MAN1A1: variants seen among roughly 807,000 people sequenced by gnomAD.
The protein encoded by MAN1A1 is mannosidase alpha class 1A member 1, also known as mannosyl-oligosaccharide 1,2-alpha-mannosidase IA.
MAN1A1 carries 29 observed loss-of-function variants against 70.8 expected under a neutral mutation model. The ratio of observed to expected loss-of-function variants is 0.41; its 90% CI spans 0.31 to 0.56. The LOEUF (loss-of-function observed/expected upper bound fraction) is 0.56, where lower values mean the gene tolerates loss of function less well. Among genes scored for constraint, MAN1A1 ranks in the 20% least tolerant of loss-of-function variants. MAN1A1 has a pLI of 0.29. For synonymous variants in MAN1A1, 349 were observed against 330.1 expected (o/e 1.06, Z -0.62); for missense variants, 747 against 841.3 (o/e 0.89, Z 1.39).
intron 2 of MAN1A1, among the ~76,000 whole-genome samples, chr6:119,319,389 TA>T (rs1562240892): frequency 6.7e-6 from 1 of 149,854 alleles, no homozygotes; most frequent in Non-Finnish European, 1.5e-5. Flanking sequence ...ATAATAATAA[TA>T]ATCATCATCA....
intron 5 of MAN1A1, among the ~76,000 whole-genome samples, chr6:119,263,717 T>TTA (rs1775674807): frequency 6.6e-6 from 1 of 151,982 alleles, no homozygotes; most frequent in South Asian, 2.1e-4. Context: ...CAAAATATAA[T>TTA]ACAGGAAAAA....
rs183478502 is a variant in MAN1A1, at chr6:119,204,380, C to T, written c.1116+379G>A. Among the ~76,000 whole-genome samples the T allele has an allele frequency of 2.3e-3, 343 of 152,266 alleles. 3 individuals carry two copies. The highest frequency in any genetic ancestry group is 3.7e-3 in the Non-Finnish European group (255 of 68,016). On this transcript the variant is annotated intron_variant, in intron 7 of 12. Transcript: ENST00000368468. Reference sequence around the variant, plus strand: ...AAATATTTGGTTTGCTTTCGGAAAACGAGGGACCAATTCAGCTGCAACATC... The same window carrying T: ...AAATATTTGGTTTGCTTTCGGAAAATGAGGGACCAATTCAGCTGCAACATC...
chr6:119,330,187 C>A (rs1773271623), intron 2 of MAN1A1, among the ~76,000 whole-genome samples: 2 of 152,132 alleles, frequency 1.3e-5, no homozygotes, highest in South Asian at 4.1e-4. Flanking sequence ...GCATCTCTAG[C>A]CTAGACTTCT....
At chr6:119,284,099 G>A (rs1776292197) in intron 5 of MAN1A1, among the ~76,000 whole-genome samples, 2 of 152,100 alleles carry the variant, frequency 1.3e-5, no homozygotes, top group Non-Finnish European at 2.9e-5. Flanking sequence ...TCACTAAAAT[G>A]TAAGCTCCAC....
intron 5 of MAN1A1, among the ~76,000 whole-genome samples, chr6:119,284,682 T>C (rs1776314099): frequency 6.6e-6 from 1 of 152,186 alleles, no homozygotes; most frequent in Non-Finnish European, 1.5e-5. Context: ...ACAAATTTAA[T>C]GTGATGCTTA....
chr6:119,320,983 G>A (rs766632300), intron 2 of MAN1A1, among the ~76,000 whole-genome samples: 3 of 152,062 alleles, frequency 2.0e-5, no homozygotes, highest in Non-Finnish European at 2.9e-5. Context: ...TAAATACTAC[G>A]TTTCTAGTCA....
chr6:119,309,770 T>C (rs1389860991), intron 2 of MAN1A1, among the ~76,000 whole-genome samples: 1 of 152,164 alleles, frequency 6.6e-6, no homozygotes, highest in South Asian at 2.1e-4. Flanking sequence ...AATTTCATAA[T>C]TGCAACCCAT....
intron 7 of MAN1A1, among the ~76,000 whole-genome samples, chr6:119,202,660 G>C (rs147812726): frequency 6.6e-6 from 1 of 152,040 alleles, no homozygotes; most frequent in Admixed American, 6.6e-5. Context: ...ATTGCACTAC[G>C]ACATTATGAC....
Position 119,230,439 on chromosome 6 carries a change from G to C in MAN1A1, c.992+17821C>G, listed in dbSNP as rs183514425. ...GCTGCTCTCTGCCCCAGGGGGCTTT[G>C]CCATCCTTCAGCCTCTTGGCCTTGT... On this transcript the variant is annotated intron_variant, in intron 6 of 12. Coordinates refer to ENST00000368468, the MANE Select transcript of MAN1A1 (RefSeq NM_005907.4). Among the ~76,000 whole-genome samples the C allele has an allele frequency of 6.6e-5, 10 of 152,242 alleles. No individual in the cohort carries two copies. In the East Asian group the frequency reaches 1.7e-3, roughly 27 times the overall value.
intron 5 of MAN1A1, among the ~76,000 whole-genome samples, chr6:119,285,153 T>TTTTTTA (rs1470156126): frequency 1.3e-5 from 2 of 151,010 alleles, no homozygotes; most frequent in Admixed American, 6.6e-5. Context: ...TTTTTTTTTT[T>TTTTTTA]AAAGTAGAGA....
At chr6:119,183,154 G>C (rs985881890) in intron 11 of MAN1A1, among the ~76,000 whole-genome samples, 3 of 152,220 alleles carry the variant, frequency 2.0e-5, no homozygotes, top group Non-Finnish European at 4.4e-5. Context: ...GGACAGAAGG[G>C]AGAGAGCAGA....
chr6:119,275,866 T>C (rs560945417), intron 5 of MAN1A1, among the ~76,000 whole-genome samples: 11 of 152,352 alleles, frequency 7.2e-5, no homozygotes, highest in African/African-American at 2.6e-4. Context: ...GACACGGTCA[T>C]GTGCTTTGCT....
chr6:119,269,100 G>GC (rs59215333), intron 5 of MAN1A1: 155,989 of 155,990 alleles, frequency 1, 77,994 homozygotes, highest in Non-Finnish European at 1. Context: ...GGCAGGCCAG[G>GC]CAATCATAAG....
At chr6:119,197,847 T>C (rs939988667) in intron 8 of MAN1A1, among the ~76,000 whole-genome samples, 1 of 152,000 alleles carries the variant, frequency 6.6e-6, no homozygotes, top group Admixed American at 6.6e-5. Flanking sequence ...AATCTAAATA[T>C]AAAGGGCTCT....
chr6:119,309,150 C>A (rs1047955766), intron 2 of MAN1A1, among the ~76,000 whole-genome samples: 1 of 152,122 alleles, frequency 6.6e-6, no homozygotes, highest in African/African-American at 2.4e-5. Flanking sequence ...GGGGTTTATC[C>A]AGCAATTATA....
intron 6 of MAN1A1, among the ~76,000 whole-genome samples, chr6:119,210,244 T>C (rs560884793): frequency 6.6e-6 from 1 of 152,226 alleles, no homozygotes; most frequent in South Asian, 2.1e-4. Flanking sequence ...ATCTATCTTT[T>C]GGGTAAGATC....
At chr6:119,235,598 T>G (rs138976248) in intron 6 of MAN1A1, among the ~76,000 whole-genome samples, 597 of 152,282 alleles carry the variant, frequency 3.9e-3, no homozygotes, top group Non-Finnish European at 6.0e-3. Context: ...AAGCAGCAAG[T>G]GCTAGAAGTG....
chr6:119,224,682 C>A (rs1244045447), intron 6 of MAN1A1, among the ~76,000 whole-genome samples: 2 of 152,128 alleles, frequency 1.3e-5, no homozygotes, highest in African/African-American at 4.8e-5. Context: ...TCAGGAAGAA[C>A]AACAATGAAC....
At chr6:119,200,240 C>A (rs979667732) in intron 8 of MAN1A1, among the ~76,000 whole-genome samples, 3 of 152,072 alleles carry the variant, frequency 2.0e-5, no homozygotes, top group Non-Finnish European at 1.5e-5. Context: ...TATCATTATA[C>A]TAGTATTATA....
Sources: allele counts gnomAD v4.1 joint callset (sites outside exome capture counted in the v4.1 genomes callset), GRCh38; gene constraint gnomAD v4.1.1; transcripts MANE v1.5; gene names NCBI Gene and HGNC (gene_info 2026-07-23, HGNC 2026-07-21).